Variants in USP34 observed in about 807,000 individuals in gnomAD.
USP34 encodes ubiquitin specific peptidase 34.
A neutral mutation model predicts 460.3 loss-of-function variants in USP34; 70 were observed. That is an observed-to-expected ratio of 0.15 (90% CI 0.13 to 0.19). The LOEUF is 0.19. Among genes scored for constraint, USP34 ranks in the 10% least tolerant of loss-of-function variants. The pLI is 1.00. For synonymous variants in USP34, 1,647 were observed against 1,405.3 expected (o/e 1.17, Z -3.85); for missense variants, 3,985 against 4,236.2 (o/e 0.94, Z 1.65).
At chr2:61,271,955 T>A (rs1409537042) in intron 41 of USP34, among the ~76,000 whole-genome samples, 2 of 152,222 alleles carry the variant, frequency 1.3e-5, no homozygotes, top group Non-Finnish European at 2.9e-5. Flanking sequence ...GAAAACCAAC[T>A]GCCTTTAATA....
chr2:61,229,457 TAAAAAAA>T lies in USP34; in HGVS notation c.7199+84_7199+90del, dbSNP rs57231258. On this transcript the variant is annotated intron_variant, in intron 59 of 79. Transcript: ENST00000398571. ...GGCAACATGAAGAAACCCTATCTCT[TAAAAAAA>T]AAAAAAAAAAACAAAAAAAAAAAAC... The T allele has an allele frequency of 6.8e-5, 26 of 382,160 alleles. 2 individuals carry two copies. In the South Asian group the frequency reaches 7.9e-4, roughly 12 times the overall value. 23.7% of individuals were successfully genotyped at this position (382,160 alleles called of 1,614,324 possible). A position where few individuals can be genotyped will look rare whatever the true frequency, so the allele number is the denominator to read the frequency against.
intron 12 of USP34, among the ~76,000 whole-genome samples, chr2:61,349,730 A>G (rs903991841): frequency 1.3e-5 from 2 of 151,988 alleles, no homozygotes; most frequent in African/African-American, 4.8e-5. Flanking sequence ...AGTCCCAGCT[A>G]CTCGGGAGGC....
chr2:61,390,881 G>A (rs1047144842), intron 5 of USP34, among the ~76,000 whole-genome samples: 1 of 151,860 alleles, frequency 6.6e-6, no homozygotes, highest in Non-Finnish European at 1.5e-5. Context: ...GGCATCGCAA[G>A]GTCAAGAGAT....
chr2:61,210,775 A>G (rs1233040028), intron 69 of USP34, among the ~76,000 whole-genome samples: 4 of 152,052 alleles, frequency 2.6e-5, no homozygotes, highest in Non-Finnish European at 5.9e-5. Context: ...ACAATGGCAC[A>G]ATCATGGCTC....
At chr2:61,444,809 G>A (rs372254282) in intron 1 of USP34, among the ~76,000 whole-genome samples, 81 of 151,782 alleles carry the variant, frequency 5.3e-4, no homozygotes, top group African/African-American at 1.5e-3. Context: ...TCCACCGCAC[G>A]TGGAGACCTC....
At chr2:61,227,518 C>G (rs1459744307) in intron 61 of USP34, among the ~76,000 whole-genome samples, 1 of 152,086 alleles carries the variant, frequency 6.6e-6, no homozygotes, top group Admixed American at 6.5e-5. Context: ...CGAGAACAGC[C>G]TGGCCGACAT....
rs78200545 is a variant in USP34, at chr2:61,332,940, G to A, written c.2834+942C>T. ...CTGGAATTATAGTGCAGACTTCCAA[G>A]AACTATAAAAGTGATACTCCACTGT... On this transcript the variant is annotated intron_variant, in intron 19 of 79. Transcript: ENST00000398571. Among the ~76,000 whole-genome samples, 950 of 152,092 alleles carry A rather than the reference G, an allele frequency of 6.2e-3. 11 individuals are homozygous for A. Among genetic ancestry groups the A allele is most frequent in the African/African-American group, 0.021 (871 of 41,552 alleles).
At chr2:61,203,538 T>C (rs888014636) in intron 74 of USP34, among the ~76,000 whole-genome samples, 1 of 152,172 alleles carries the variant, frequency 6.6e-6, no homozygotes, top group Admixed American at 6.5e-5. Context: ...ACTTTAGCTC[T>C]ACAGACATAT....
intron 2 of USP34, among the ~76,000 whole-genome samples, chr2:61,417,986 C>G (rs1469480918): frequency 6.6e-5 from 10 of 151,702 alleles, no homozygotes; most frequent in African/African-American, 2.2e-4. Flanking sequence ...AGTGATCCAC[C>G]TCCCTGGGCC....
chr2:61,274,023 A>C (rs1267070200), intron 41 of USP34, among the ~76,000 whole-genome samples: 2 of 152,072 alleles, frequency 1.3e-5, no homozygotes, highest in Non-Finnish European at 1.5e-5. Flanking sequence ...GGGAGTTTTT[A>C]AAAGTATAAC....
At chr2:61,375,569 T>A (rs1692767677) in intron 8 of USP34, among the ~76,000 whole-genome samples, 1 of 151,610 alleles carries the variant, frequency 6.6e-6, no homozygotes, top group Admixed American at 6.6e-5. Context: ...GGAGATCGAG[T>A]CCATCCTGGC....
rs190425775 is a variant in USP34, at chr2:61,323,086, G to A, written c.3013+2289C>T. 1.1e-4 allele frequency among the ~76,000 whole-genome samples: 16 copies of A among 152,284 alleles called. No individual in the cohort carries two copies. In the East Asian group the frequency reaches 2.9e-3, roughly 28 times the overall value. ...GGTAACAGGAACTGTGCCAATAAGA[G>A]AAGTACAACCAGCCATGCACAGTAG... is the stretch of plus-strand genomic sequence containing the variant. On this transcript the variant is annotated intron_variant, in intron 21 of 79. Transcript: ENST00000398571.
At chr2:61,304,007 C>T (rs1240375661) in intron 27 of USP34, among the ~76,000 whole-genome samples, 1 of 152,178 alleles carries the variant, frequency 6.6e-6, no homozygotes, top group African/African-American at 2.4e-5. Flanking sequence ...AAGCGATTCT[C>T]ATGCCTCAGC....
At chr2:61,407,377 C>T (rs369590482) in intron 2 of USP34, among the ~76,000 whole-genome samples, 30 of 152,272 alleles carry the variant, frequency 2.0e-4, no homozygotes, top group African/African-American at 7.0e-4. Flanking sequence ...AGGCAGGGAA[C>T]GGTCTGGTGA....
At chr2:61,441,976 C>A (rs1380652253) in intron 1 of USP34, among the ~76,000 whole-genome samples, 2 of 152,076 alleles carry the variant, frequency 1.3e-5, no homozygotes, top group African/African-American at 4.8e-5. Context: ...ATACACGTAT[C>A]TACAGTCAAC....
Position 61,232,102 on chromosome 2 carries a change from A to G in USP34, c.7113+350T>C, listed in dbSNP as rs1687922960. On this transcript the variant is annotated intron_variant, in intron 58 of 79. Coordinates refer to ENST00000398571, the MANE Select transcript of USP34 (RefSeq NM_014709.4). ...AGCCTTTTCATTAGCTTTTGAGGTCACTATAGTACCCTACCATGGTTAGAA... is the reference window on the plus strand; with the variant it reads ...AGCCTTTTCATTAGCTTTTGAGGTCGCTATAGTACCCTACCATGGTTAGAA... 2.0e-5 allele frequency among the ~76,000 whole-genome samples: 3 copies of G among 152,220 alleles called. No individual in the cohort carries two copies. The South Asian group carries it at 6.2e-4, about 32-fold the overall frequency.
chr2:61,361,955 C>G (rs563852653), intron 10 of USP34, among the ~76,000 whole-genome samples: 37 of 151,736 alleles, frequency 2.4e-4, no homozygotes, highest in African/African-American at 8.7e-4. Flanking sequence ...ACTCATACAA[C>G]TCAATAGCAA....
chr2:61,304,343 T>C (rs956604975), intron 27 of USP34, among the ~76,000 whole-genome samples: 3 of 152,240 alleles, frequency 2.0e-5, no homozygotes, highest in Admixed American at 1.3e-4. Context: ...AGAACTGCAA[T>C]GACTAGCAAT....
intron 16 of USP34, among the ~76,000 whole-genome samples, chr2:61,342,595 A>T (rs2103762319): frequency 6.6e-6 from 1 of 152,012 alleles, no homozygotes; most frequent in East Asian, 1.9e-4. Context: ...TATAGGTGTG[A>T]GCCACCATGC....
Sources: allele counts gnomAD v4.1 joint callset (sites outside exome capture counted in the v4.1 genomes callset), GRCh38; gene constraint gnomAD v4.1.1; transcripts MANE v1.5; gene names NCBI Gene and HGNC (gene_info 2026-07-23, HGNC 2026-07-21).